The following PCDH15 variants were observed in gnomAD, a reference collection of about 807,000 sequenced individuals.
The protein encoded by PCDH15 is protocadherin-15.
A neutral mutation model predicts 178.5 loss-of-function variants in PCDH15; 129 were observed. The ratio of observed to expected loss-of-function variants is 0.72; its 90% confidence interval spans 0.63 to 0.84. The LOEUF is 0.84. Among genes scored for constraint, PCDH15 ranks in the 40% least tolerant of loss-of-function variants. The pLI is 0.00. For synonymous variants in PCDH15, 800 were observed against 732.0 expected (o/e 1.09, Z -1.50); for missense variants, 2,230 against 2,099.9 (o/e 1.06, Z -1.21).
intron 2 of PCDH15, among the ~76,000 whole-genome samples, chr10:54,563,288 C>CCA (rs10630455): frequency 0.81 from 122,854 of 151,926 alleles, 49,831 homozygotes; most frequent in East Asian, 0.99. Context: ...TACCATAAAG[C>CCA]CAGATTAGCA....
chr10:54,310,023 C>A (rs946370044), intron 8 of PCDH15, among the ~76,000 whole-genome samples: 3 of 151,904 alleles, frequency 2.0e-5, no homozygotes, highest in African/African-American at 7.3e-5. Flanking sequence ...CTGATATGAA[C>A]CTTCAATAAC....
intron 11 of PCDH15, among the ~76,000 whole-genome samples, chr10:54,194,622 G>T (rs1341869843): frequency 6.6e-6 from 1 of 151,070 alleles, no homozygotes; most frequent in Non-Finnish European, 1.5e-5. Context: ...GTGTGTGTGT[G>T]TGTGTGTATG....
chr10:54,690,899 T>A (rs925836189), intron 1 of PCDH15, among the ~76,000 whole-genome samples: 15 of 152,122 alleles, frequency 9.9e-5, no homozygotes, highest in South Asian at 4.2e-4. Flanking sequence ...AATGTCCAAT[T>A]TTTTTCTCAA....
chr10:55,215,190 T>C (rs1049032935), intron 1 of PCDH15, among the ~76,000 whole-genome samples: 1 of 152,150 alleles, frequency 6.6e-6, no homozygotes, highest in Non-Finnish European at 1.5e-5. Flanking sequence ...GAATCCATTA[T>C]ACAGCAAGAA....
At chr10:54,161,024 TAACA>T (rs1463805475) in intron 13 of PCDH15, among the ~76,000 whole-genome samples, 12 of 152,254 alleles carry the variant, frequency 7.9e-5, no homozygotes, top group African/African-American at 1.4e-4. Context: ...TATCTATATA[TAACA>T]AACAGAAAAA....
intron 21 of PCDH15, among the ~76,000 whole-genome samples, chr10:53,963,215 G>A (rs546386725): frequency 1.3e-5 from 2 of 152,052 alleles, no homozygotes; most frequent in East Asian, 1.9e-4. Context: ...TTACAGTTGG[G>A]CTATGAGATA....
At position 54,679,309 on chromosome 10, in the gene PCDH15, A is replaced by G. The variant is rs1034337132; in HGVS notation, c.-28-15019T>C. On this transcript the variant is annotated intron_variant, in intron 1 of 37. Coordinates refer to ENST00000644397, the MANE Select transcript of PCDH15 (RefSeq NM_001384140.1). ...CCCTGATGATTGGTGTATTGAAGAG[A>G]AAAACAATTATTTGTATCTCATGAT... 8.5e-5 allele frequency among the ~76,000 whole-genome samples: 13 copies of G among 152,286 alleles called. No homozygotes were observed. In the East Asian group the frequency reaches 2.5e-3, roughly 29 times the overall value.
intron 8 of PCDH15, among the ~76,000 whole-genome samples, chr10:54,245,387 T>G (rs2055817821): frequency 6.6e-6 from 1 of 152,152 alleles, no homozygotes; most frequent in Admixed American, 6.5e-5. Context: ...GAAAATGGAT[T>G]TTTAATAAAG....
intron 1 of PCDH15, among the ~76,000 whole-genome samples, chr10:54,721,422 A>G (rs1002949985): frequency 6.6e-6 from 1 of 151,922 alleles, no homozygotes; most frequent in Non-Finnish European, 1.5e-5. Flanking sequence ...AAATAACAAA[A>G]AGGACCAATT....
chr10:55,536,352 C>T (rs923639754), intron 2 of PCDH15, among the ~76,000 whole-genome samples: 1 of 152,008 alleles, frequency 6.6e-6, no homozygotes, highest in Non-Finnish European at 1.5e-5. Context: ...GTTCCCAGAT[C>T]CTATTGAACA....
intron 6 of PCDH15, among the ~76,000 whole-genome samples, chr10:54,330,394 A>C (rs1184415761): frequency 6.6e-6 from 1 of 152,070 alleles, no homozygotes; most frequent in East Asian, 1.9e-4. Flanking sequence ...TTGTAACACA[A>C]TGGTCAGTAT....
intron 4 of PCDH15, among the ~76,000 whole-genome samples, chr10:54,377,940 G>A (rs1948688676): frequency 6.6e-6 from 1 of 151,486 alleles, no homozygotes; most frequent in Non-Finnish European, 1.5e-5. Flanking sequence ...TTTTTTTGAG[G>A]TAGTGTCTCG....
intron 2 of PCDH15, among the ~76,000 whole-genome samples, chr10:55,327,157 G>C (rs570747515): frequency 6.6e-6 from 1 of 152,038 alleles, no homozygotes; most frequent in African/African-American, 2.4e-5. Context: ...CCCCATAAAC[G>C]AGACCCCAGC....
intron 3 of PCDH15, among the ~76,000 whole-genome samples, chr10:54,383,619 ATGTGTGTTTTTGTGTG>A (rs990666200): frequency 8.4e-4 from 20 of 23,862 alleles, no homozygotes; most frequent in Middle Eastern, 0.045. Context: ...CATGCCGTGT[ATGTGTGTTTTTGTGTG>A]TGTGTGTGTG....
intron 2 of PCDH15, among the ~76,000 whole-genome samples, chr10:55,083,669 A>G (rs1397018092): frequency 1.3e-5 from 2 of 151,882 alleles, no homozygotes; most frequent in African/African-American, 2.4e-5. Context: ...GAAAAACCTA[A>G]AGACTTCATA....
chr10:54,361,119 G>T (rs1263594186), intron 5 of PCDH15, among the ~76,000 whole-genome samples: 5 of 151,938 alleles, frequency 3.3e-5, no homozygotes, highest in African/African-American at 9.7e-5. Flanking sequence ...TTAGTTCTAG[G>T]ATTCATGTAT....
intron 2 of PCDH15, among the ~76,000 whole-genome samples, chr10:54,909,097 G>T (rs1374272912): frequency 1.3e-5 from 2 of 152,214 alleles, no homozygotes; most frequent in Admixed American, 6.5e-5. Flanking sequence ...TGAGCCCAGG[G>T]CTTTTGTGGG....
chr10:53,985,235 T>G (rs1468950952), intron 21 of PCDH15, among the ~76,000 whole-genome samples: 1 of 152,210 alleles, frequency 6.6e-6, no homozygotes, highest in African/African-American at 2.4e-5. Flanking sequence ...ATAATGGTAT[T>G]GCTTTCTTTT....
chr10:53,959,023 T>C (rs1044370133), intron 23 of PCDH15, among the ~76,000 whole-genome samples: 1 of 149,230 alleles, frequency 6.7e-6, no homozygotes, highest in Non-Finnish European at 1.5e-5. Flanking sequence ...TTTTCTGTCG[T>C]TTAAGCCACC....
Sources: gnomAD v4.1 joint callset for allele counts (sites outside exome capture counted in the v4.1 genomes callset) on GRCh38, gnomAD v4.1.1 for gene constraint, MANE v1.5 for transcripts, NCBI Gene and HGNC (gene_info 2026-07-23, HGNC 2026-07-21) for gene names.